Variants in INO80B observed in about 807,000 individuals in gnomAD.
INO80B encodes IES2 homolog.
INO80B carries 18 observed loss-of-function variants against 31.4 expected under a neutral mutation model. That is an observed-to-expected ratio of 0.57 (90% CI 0.40 to 0.85). INO80B has a LOEUF of 0.85. Among genes scored for constraint, INO80B ranks in the 40% least tolerant of loss-of-function variants. The pLI, the probability that INO80B is intolerant of heterozygous loss-of-function variation, is 0.00. For missense variants in INO80B, 469 were observed against 475.4 expected, an observed-to-expected ratio of 0.99 and a Z score of 0.13; for synonymous variants, 238 against 199.0, an observed-to-expected ratio of 1.20 and a Z score of -1.65.
Position 74,457,777 on chromosome 2 carries a change from A to ACT in INO80B, c.987_988dup (p.Cys330SerfsTer?). ...ACGCTTGCTCCCGCACAGGCCAGGC[A>ACT]CTCTGTAGTCTTCAGTGCTACCGCA... is the stretch of plus-strand genomic sequence containing the variant. On this transcript the variant is annotated frameshift_variant, in exon 5 of 5. Coordinates refer to ENST00000233331, the MANE Select transcript of INO80B (RefSeq NM_031288.4). LOFTEE classifies it high-confidence loss of function. The ACT allele has an allele frequency of 6.3e-7, 1 of 1,597,850 alleles. No individual in the cohort carries two copies. The highest frequency in any genetic ancestry group is 8.5e-7 in the Non-Finnish European group (1 of 1,179,140).
intron 2 of INO80B, 47 bp downstream of exon 2, chr2:74,455,645 G>A (rs774131617): frequency 6.4e-7 from 1 of 1,556,086 alleles, no homozygotes; most frequent in South Asian, 1.2e-5. Context: ...TTTAGGAGCA[G>A]AGATAGTAGT....
At chr2:74,456,031 A>G (rs1671684532) in intron 3 of INO80B, 72 bp from the exon 4 acceptor site, 3 of 1,553,982 alleles carry the variant, frequency 1.9e-6, no homozygotes, top group Admixed American at 1.7e-5. Context: ...TCCATGTCCC[A>G]GTATTAACTC....
chr2:74,457,330 C>G lies in INO80B; in HGVS notation c.541-4C>G. Reference sequence around the variant, plus strand: ...GACAGCACCCCGTCTCTGTCTCTCCCTAGCGAGCTCTGCTCCAGAAGGCGC... The same window carrying G: ...GACAGCACCCCGTCTCTGTCTCTCCGTAGCGAGCTCTGCTCCAGAAGGCGC... On this transcript the variant is annotated splice_region_variant and splice_polypyrimidine_tract_variant and intron_variant, in intron 4 of 4. Transcript: ENST00000233331. The G allele has an allele frequency of 3.7e-6, 6 of 1,604,176 alleles. No individual in the cohort carries two copies. Among genetic ancestry groups the G allele is most frequent in the Non-Finnish European group, 5.1e-6 (6 of 1,176,072 alleles).
chr2:74,455,143 C>T lies in INO80B; in HGVS notation c.27C>T (p.Ser9=), dbSNP rs929346174. 8 of 1,614,068 alleles carry T rather than the reference C, an allele frequency of 5.0e-6. No homozygotes were observed. In the African/African-American group the frequency reaches 6.7e-5, roughly 13 times the overall value. The change falls in exon 1 of 5, where the codon AGC becomes AGT. Residue 9 remains serine, a synonymous_variant. Transcript: ENST00000233331. MSKLWRRG[S]TSGAMEAPEP... is the part of the protein sequence containing the mutation. ...TGAGTAAGCTGTGGCGGCGTGGGAG[C>T]ACCTCTGGGGCTATGGAGGCCCCTG...
Position 74,457,605 on chromosome 2 carries a change from C to G in INO80B, c.812C>G (p.Pro271Arg). 1 of 1,558,768 alleles carries G rather than the reference C, an allele frequency of 6.4e-7. No individual in the cohort carries two copies. The highest frequency in any genetic ancestry group is 8.6e-7 in the Non-Finnish European group (1 of 1,158,626). The change falls in exon 5 of 5, where the codon CCC becomes CGC. Residue 271 changes from proline to arginine, a missense_variant. Pro to Arg is a moderately radical substitution (Grantham distance 103). This residue lies in a region of INO80B where 201 missense variants were observed against 151.7 expected (regional missense o/e 1.32). Transcript: ENST00000233331. ...GGAGGGCGGGCTGCGGCTCCGGCCC[C>G]CATGGTGCGCTACTGCAGCGGAGCA... ...RRGGRAAAPA[P>R]MVRYCSGAQG...
rs1671673760 is a variant in INO80B, at chr2:74,455,680, A to G, written c.251+82A>G. On this transcript the variant is annotated intron_variant, in intron 2 of 4. Coordinates refer to ENST00000233331, the MANE Select transcript of INO80B (RefSeq NM_031288.4). ...TTAGAAGCCGACTGGGCTTTCTAGA[A>G]GACCGAATGGACACTGTGACTTCAG... 7.5e-6 allele frequency: 11 copies of G among 1,470,996 alleles called. 1 individual carries two copies. The highest frequency in any genetic ancestry group is 1.8e-4 in the Middle Eastern group (1 of 5,408). 91.1% of individuals were successfully genotyped at this position (1,470,996 alleles called of 1,614,324 possible). A position where few individuals can be genotyped will look rare whatever the true frequency, so the allele number is the denominator to read the frequency against.
intron 4 of INO80B, 71 bp downstream of exon 4, chr2:74,456,343 T>A: frequency 3.3e-6 from 5 of 1,496,128 alleles, no homozygotes; most frequent in Non-Finnish European, 4.6e-6. Flanking sequence ...ACCCACGCAC[T>A]TTGCGTGGCA....
intron 4 of INO80B, 35 bp from the exon 5 acceptor site, chr2:74,457,299 T>C (rs1239010937): frequency 6.3e-7 from 1 of 1,576,472 alleles, no homozygotes; most frequent in Middle Eastern, 1.7e-4. Flanking sequence ...TCTTCCTCCA[T>C]TTTCAGACAG....
At chr2:74,456,492 G>T (rs1324158356) in intron 4 of INO80B, among the ~76,000 whole-genome samples, 1 of 152,184 alleles carries the variant, frequency 6.6e-6, no homozygotes, top group Non-Finnish European at 1.5e-5. Flanking sequence ...AAAGAAAAGG[G>T]TGATGAAATA....
intron 1 of INO80B, 63 bp from the exon 2 acceptor site, chr2:74,455,343 G>T (rs541624369): frequency 3.8e-6 from 6 of 1,597,094 alleles, no homozygotes; most frequent in Non-Finnish European, 4.3e-6. Context: ...AGGGGCTTAG[G>T]TTATTCAGGG....
At chr2:74,457,235 G>C (rs1174219627) in intron 4 of INO80B, 99 bp from the exon 5 acceptor site, 1 of 1,297,678 alleles carries the variant, frequency 7.7e-7, no homozygotes, top group Non-Finnish European at 1.1e-6. Context: ...TCAAGACCCT[G>C]CCTTCCATGT....
Position 74,456,085 on chromosome 2 carries a change from C to T in INO80B, c.371-18C>T, listed in dbSNP as rs1206432364. On this transcript the variant is annotated intron_variant, in intron 3 of 4. Coordinates refer to ENST00000233331, the MANE Select transcript of INO80B (RefSeq NM_031288.4). ...CATCTGAACAATTCTGTTTTTCTTT[C>T]TCCAACTTCCTTCCCAGATGAAGAC... is the stretch of plus-strand genomic sequence containing the variant. 2.0e-5 allele frequency: 31 copies of T among 1,576,444 alleles called. No homozygotes were observed. Among genetic ancestry groups the T allele is most frequent in the South Asian group, 3.5e-5 (3 of 85,390 alleles).
intron 3 of INO80B, 58 bp from the exon 4 acceptor site, chr2:74,456,045 C>A: frequency 6.4e-7 from 1 of 1,563,540 alleles, no homozygotes; most frequent in Non-Finnish European, 8.7e-7. Context: ...TTAACTCAGC[C>A]AAATTAGGGT....
chr2:74,455,096 C>T lies in INO80B; in HGVS notation c.-21C>T, dbSNP rs772587995. 1.9e-6 allele frequency: 3 copies of T among 1,613,858 alleles called. No individual in the cohort carries two copies. Among genetic ancestry groups the T allele is most frequent in the Admixed American group, 1.7e-5 (1 of 60,034 alleles). ...TGCGTGTGTCCCAACCATTTCTAGT[C>T]CCCTTTCCTCGCAGGACCTCATGAG... On this transcript the variant is annotated 5_prime_UTR_variant, in exon 1 of 5. Coordinates refer to ENST00000233331, the MANE Select transcript of INO80B (RefSeq NM_031288.4).
In INO80B at chr2:74,455,972, T is replaced by TTA. The variant is rs771878860; in HGVS notation, c.370+39_370+40dup. 7.1e-6 allele frequency: 11 copies of TTA among 1,558,706 alleles called. No homozygotes were observed. In the South Asian group the frequency reaches 1.2e-4, roughly 17 times the overall value. Reference sequence around the variant, plus strand: ...GGAGGTGGGGAAACTGGGTTTCTTATTATACCCGCCTAAAGAAAGAAGGTT... The same window carrying TTA: ...GGAGGTGGGGAAACTGGGTTTCTTATTATATACCCGCCTAAAGAAAGAAGGTT... On this transcript the variant is annotated intron_variant, in intron 3 of 4. Transcript: ENST00000233331.
intron 3 of INO80B, 50 bp from the exon 4 acceptor site, chr2:74,456,053 G>T (rs373062819): frequency 1.3e-6 from 2 of 1,568,130 alleles, no homozygotes; most frequent in East Asian, 4.5e-5. Context: ...GCCAAATTAG[G>T]GTGCCCCATC....
intron 4 of INO80B, among the ~76,000 whole-genome samples, chr2:74,456,912 C>T (rs1234784704): frequency 6.6e-6 from 1 of 152,156 alleles, no homozygotes; most frequent in African/African-American, 2.4e-5. Flanking sequence ...GAAGTAGATA[C>T]TTGTGGGGAG....
In INO80B at chr2:74,457,703, G is replaced by T; in HGVS notation, c.910G>T (p.Gly304Cys). 1 of 1,599,894 alleles carries T rather than the reference G, an allele frequency of 6.3e-7. No homozygotes were observed. Among genetic ancestry groups the T allele is most frequent in the Admixed American group, 1.7e-5 (1 of 59,848 alleles). The change falls in exon 5 of 5, where the codon GGC (glycine) becomes TGC (cysteine). Residue 304 changes from glycine (G) to cysteine (C), a missense_variant. Physicochemically the swap from Gly to Cys is radical, Grantham distance 159 (BLOSUM62 -3). Transcript: ENST00000233331. Reference protein sequence around the residue: ...TAVSQRPSPSGPPPRCSVPGC... With the variant: ...TAVSQRPSPSCPPPRCSVPGC... ...AGTGTCTCAGCGGCCATCCCCCTCA[G>T]GCCCGCCGCCGCGCTGCTCTGTCCC...
rs773467904 is a variant in INO80B, at chr2:74,455,100, T to C, written c.-17T>C. The C allele has an allele frequency of 9.3e-6, 15 of 1,613,926 alleles. No individual in the cohort carries two copies. The highest frequency in any genetic ancestry group is 1.3e-5 in the Non-Finnish European group (15 of 1,179,882). ...TGTGTCCCAACCATTTCTAGTCCCC[T>C]TTCCTCGCAGGACCTCATGAGTAAG... On this transcript the variant is annotated 5_prime_UTR_variant, in exon 1 of 5. Transcript: ENST00000233331.
Sources: gnomAD v4.1 joint callset for allele counts (sites outside exome capture counted in the v4.1 genomes callset) on GRCh38, gnomAD v4.1.1 for gene constraint, gnomAD v4.1.1 regional missense constraint, MANE v1.5 for transcripts, NCBI Gene and HGNC (gene_info 2026-07-23, HGNC 2026-07-21) for gene names.